Variants in ZNF560 observed in about 807,000 individuals in gnomAD.
ZNF560 encodes the protein zinc finger protein 560.
Under a neutral mutation model 81.8 loss-of-function variants are expected in ZNF560, and 54 were observed. That is an observed-to-expected ratio of 0.66 (90% CI 0.53 to 0.83). The LOEUF (loss-of-function observed/expected upper bound fraction) is 0.83. Among genes scored for constraint, ZNF560 ranks in the 40% least tolerant of loss-of-function variants. The pLI, the probability that ZNF560 is intolerant of heterozygous loss-of-function variation, is 0.00. For synonymous variants in ZNF560, 321 were observed against 317.9 expected (o/e 1.01, Z -0.10); for missense variants, 940 against 932.4 (o/e 1.01, Z -0.11).
Position 9,471,736 on chromosome 19 carries a change from TAA to T in ZNF560, c.239-360_239-359del. ...TAGAAAGTTGGAGTAGATGGAAATT[TAA>T]AGAGTATCAAAAATTGAATATTTTC... On this transcript the variant is annotated intron_variant, in intron 5 of 9. Transcript: ENST00000301480. Among the ~76,000 whole-genome samples, 3 of 152,332 alleles carry T rather than the reference TAA, an allele frequency of 2.0e-5. 1 individual carries two copies. The highest frequency in any genetic ancestry group is 2.0e-4 in the Admixed American group (3 of 15,294).
chr19:9,488,958 C>T (rs552708196), intron 2 of ZNF560, among the ~76,000 whole-genome samples: 13 of 152,288 alleles, frequency 8.5e-5, no homozygotes, highest in Admixed American at 8.5e-4. Context: ...CTCCTGGCTC[C>T]TGCCATATAA....
At chr19:9,496,408 T>C (rs959315172) in intron 2 of ZNF560, among the ~76,000 whole-genome samples, 1 of 151,572 alleles carries the variant, frequency 6.6e-6, no homozygotes, top group South Asian at 2.1e-4. Context: ...GTATTTTTAG[T>C]AGAGACAGGG....
At chr19:9,474,083 T>C (rs1428781569) in intron 4 of ZNF560, 116 bp downstream of exon 4, 4 of 1,175,792 alleles carry the variant, frequency 3.4e-6, no homozygotes, top group Admixed American at 1.7e-5. Flanking sequence ...AGACCTATTA[T>C]GGCAGGGACA....
intron 5 of ZNF560, among the ~76,000 whole-genome samples, chr19:9,472,861 A>T (rs968620565): frequency 6.6e-6 from 1 of 152,106 alleles, no homozygotes; most frequent in African/African-American, 2.4e-5. Context: ...CTGATGCCAA[A>T]AAGGCTGGGG....
the ZNF560 span, among the ~76,000 whole-genome samples, chr19:9,455,373 G>T: frequency 6.6e-6 from 1 of 152,172 alleles, no homozygotes; most frequent in Non-Finnish European, 1.5e-5. Context: ...AAGACCTGGT[G>T]GCCAGATGAA....
At chr19:9,481,888 T>C (rs1392667465) in intron 2 of ZNF560, among the ~76,000 whole-genome samples, 1 of 152,178 alleles carries the variant, frequency 6.6e-6, no homozygotes, top group Non-Finnish European at 1.5e-5. Context: ...GATCTAGAAC[T>C]AGAAATACCA....
chr19:9,484,657 G>A (rs112562235), intron 2 of ZNF560, among the ~76,000 whole-genome samples: 6,990 of 150,058 alleles, frequency 0.047, 565 homozygotes, highest in African/African-American at 0.16. Flanking sequence ...TTAGCCAGGC[G>A]TCACAGCGCG....
intron 2 of ZNF560, among the ~76,000 whole-genome samples, chr19:9,483,314 G>A (rs1421581221): frequency 8.4e-5 from 11 of 130,784 alleles, no homozygotes; most frequent in Non-Finnish European, 6.6e-5. Flanking sequence ...GCCCGGCCGC[G>A]ACCCCATCTG....
intron 2 of ZNF560, among the ~76,000 whole-genome samples, chr19:9,494,050 T>C (rs2073514609): frequency 6.7e-6 from 1 of 148,906 alleles, no homozygotes; most frequent in Non-Finnish European, 1.5e-5. Context: ...GAGAATCACT[T>C]GAACCTGGGA....
At position 9,474,237 on chromosome 19, in the gene ZNF560, T is replaced by C. The variant is rs1211961140; in HGVS notation, c.119A>G (p.Asp40Gly). 2.1e-5 allele frequency: 34 copies of C among 1,614,044 alleles called. No homozygotes were observed. Among genetic ancestry groups the C allele is most frequent in the Non-Finnish European group, 5.9e-6 (7 of 1,180,028 alleles). The change falls in exon 4 of 10, where the codon GAT (aspartate) becomes GGT (glycine). Residue 40 changes from aspartate (D) to glycine (G), a missense_variant. By Grantham distance (94) the Asp-to-Gly change is moderately conservative. Coordinates refer to ENST00000301480, the MANE Select transcript of ZNF560 (RefSeq NM_152476.3). Reference protein sequence around the residue: ...LDPVQRNLYRDVMLENYENVA... With the variant: ...LDPVQRNLYRGVMLENYENVA... ...GTTCTCATAATTCTCCAGCATCACATCTCTGTATAAGTTTCTCTGAACTGG... is the reference window on the plus strand; with the variant it reads ...GTTCTCATAATTCTCCAGCATCACACCTCTGTATAAGTTTCTCTGAACTGG...
At chr19:9,490,019 A>C (rs1245038843) in intron 2 of ZNF560, among the ~76,000 whole-genome samples, 1 of 152,210 alleles carries the variant, frequency 6.6e-6, no homozygotes, top group Non-Finnish European at 1.5e-5. Context: ...GGATGATTGA[A>C]ACTTGTACTC....
intron 2 of ZNF560, among the ~76,000 whole-genome samples, chr19:9,495,449 C>T (rs1389185612): frequency 6.6e-6 from 1 of 152,144 alleles, no homozygotes. Context: ...CTCACGGCTG[C>T]AATCCCAGCA....
the ZNF560 span, among the ~76,000 whole-genome samples, chr19:9,456,571 C>T: frequency 1.3e-5 from 2 of 151,878 alleles, no homozygotes; most frequent in African/African-American, 2.4e-5. Context: ...AACTATTCAG[C>T]GAAAGAAATT....
rs1209136132 is a variant in ZNF560 at position 9,466,837 on chromosome 19, T to G, written c.2110A>C (p.Lys704Gln). The change falls in exon 10 of 10, where the codon AAA becomes CAA. Residue 704 changes from lysine (K) to glutamine (Q), a missense_variant. Coordinates refer to ENST00000301480, the MANE Select transcript of ZNF560 (RefSeq NM_152476.3). ...TAGGGTTTTATTTTGGTGAGAGTTT[T>G]TAAGCGATCATGAAAGCACATGGAA... ...RNSMCFHDRLKTLTKIKPYKC... is the reference protein window; with the variant it reads ...RNSMCFHDRLQTLTKIKPYKC... The G allele has an allele frequency of 3.7e-6, 6 of 1,613,872 alleles. No homozygotes were observed. The highest frequency in any genetic ancestry group is 5.1e-6 in the Non-Finnish European group (6 of 1,179,958).
At chr19:9,483,575 G>C (rs539301382) in intron 2 of ZNF560, among the ~76,000 whole-genome samples, 1 of 140,084 alleles carries the variant, frequency 7.1e-6, no homozygotes, top group East Asian at 2.1e-4. Context: ...CCGTCCGGGA[G>C]GGGGGTGGGG....
chr19:9,455,523 G>A, the ZNF560 span, among the ~76,000 whole-genome samples: 3 of 152,200 alleles, frequency 2.0e-5, no homozygotes, highest in Admixed American at 6.5e-5. Context: ...CAGCTTAGAG[G>A]AGTGTGCATT....
chr19:9,466,454 G>C lies in ZNF560; in HGVS notation c.*120C>G. The C allele has an allele frequency of 1.1e-6, 1 of 903,374 alleles. No homozygotes were observed. The highest frequency in any genetic ancestry group is 1.7e-6 in the Non-Finnish European group (1 of 594,972). The allele number at this position is 903,374 out of a possible 1,614,324, so 56.0% of individuals were successfully genotyped here. A position where few individuals can be genotyped will look rare whatever the true frequency, so the allele number is the denominator to read the frequency against. ...TATCTAGAAAGATTCAACTGTTCAGGCTTTCTCACATTCCTTACATTGATA... is the reference window on the plus strand; with the variant it reads ...TATCTAGAAAGATTCAACTGTTCAGCCTTTCTCACATTCCTTACATTGATA... On this transcript the variant is annotated 3_prime_UTR_variant, in exon 10 of 10. Transcript: ENST00000301480.
chr19:9,471,251 A>G, intron 6 of ZNF560, 45 bp downstream of exon 6: 2 of 1,412,406 alleles, frequency 1.4e-6, no homozygotes, highest in Non-Finnish European at 1.9e-6. Flanking sequence ...AAGTCCCAAT[A>G]TTCTCTGAGT....
At chr19:9,486,300 G>A (rs535041697) in intron 2 of ZNF560, among the ~76,000 whole-genome samples, 1 of 152,102 alleles carries the variant, frequency 6.6e-6, no homozygotes, top group Non-Finnish European at 1.5e-5. Flanking sequence ...ACACTCGGAA[G>A]GGACAACACA....
Sources: allele counts gnomAD v4.1 joint callset (sites outside exome capture counted in the v4.1 genomes callset), GRCh38; gene constraint gnomAD v4.1.1; transcripts MANE v1.5; gene names NCBI Gene and HGNC (gene_info 2026-07-23, HGNC 2026-07-21).